The following ARHGAP15 variants were observed in gnomAD, a reference collection of about 807,000 sequenced individuals.
ARHGAP15 encodes the protein rho GTPase-activating protein 15.
In ARHGAP15, 51 loss-of-function variants were observed where a neutral mutation model predicts 63.7. The observed-to-expected ratio is 0.80, with a 90% CI of 0.64 to 1.01. The LOEUF is 1.01. ARHGAP15 is among the 50% of genes least tolerant of loss of function. The pLI, the probability that ARHGAP15 is intolerant of heterozygous loss-of-function variation, is 0.00. For missense variants in ARHGAP15, 560 were observed against 564.6 expected (o/e 0.99, Z 0.08); for synonymous variants, 191 against 193.8 (o/e 0.99, Z 0.12).
intron 2 of ARHGAP15, among the ~76,000 whole-genome samples, chr2:143,201,480 C>T (rs1027450213): frequency 6.6e-6 from 1 of 151,846 alleles, no homozygotes; most frequent in African/African-American, 2.4e-5. Context: ...TTCACTAACC[C>T]GAGCATTTAT....
chr2:143,178,146 T>A (rs1164732246), intron 2 of ARHGAP15, among the ~76,000 whole-genome samples: 2 of 152,170 alleles, frequency 1.3e-5, no homozygotes, highest in East Asian at 3.8e-4. Flanking sequence ...ACAGAAGAGA[T>A]GCCAGCCTAC....
chr2:143,353,929 A>G (rs1574322362), intron 6 of ARHGAP15, among the ~76,000 whole-genome samples: 1 of 152,276 alleles, frequency 6.6e-6, no homozygotes, highest in East Asian at 1.9e-4. Context: ...AGTTGTCATG[A>G]TGGAGCAAGA....
intron 13 of ARHGAP15, among the ~76,000 whole-genome samples, chr2:143,744,555 C>A (rs568220561): frequency 6.6e-6 from 1 of 152,248 alleles, no homozygotes; most frequent in South Asian, 2.1e-4. Flanking sequence ...TATTAGTAAT[C>A]CCCCTAGATA....
At chr2:143,157,547 G>A (rs936745262) in intron 2 of ARHGAP15, among the ~76,000 whole-genome samples, 4 of 151,150 alleles carry the variant, frequency 2.6e-5, no homozygotes, top group African/African-American at 9.7e-5. Context: ...TGTATTCCTC[G>A]ATAAGGAACA....
intron 5 of ARHGAP15, chr2:143,236,729 G>A (rs949853850): frequency 7.9e-5 from 12 of 152,158 alleles, no homozygotes; most frequent in African/African-American, 1.9e-4. Flanking sequence ...GATATTTTAT[G>A]TACTAATAAG....
intron 12 of ARHGAP15, among the ~76,000 whole-genome samples, chr2:143,668,519 C>T (rs1236245173): frequency 6.6e-6 from 1 of 151,990 alleles, no homozygotes; most frequent in Non-Finnish European, 1.5e-5. Flanking sequence ...GCATTCCTTT[C>T]TAAAACCCAT....
chr2:143,312,481 GAAA>G (rs779785072), intron 6 of ARHGAP15, among the ~76,000 whole-genome samples: 172 of 149,734 alleles, frequency 1.1e-3, no homozygotes, highest in Non-Finnish European at 1.9e-3. Flanking sequence ...AAGATAAAAA[GAAA>G]AAAAAAGCAT....
At chr2:143,266,521 T>C (rs1032613550) in intron 6 of ARHGAP15, among the ~76,000 whole-genome samples, 2 of 152,188 alleles carry the variant, frequency 1.3e-5, no homozygotes, top group African/African-American at 4.8e-5. Context: ...TTACAAAAGA[T>C]ACAATTTGGA....
chr2:143,716,711 A>G (rs1684827600), intron 13 of ARHGAP15, among the ~76,000 whole-genome samples: 1 of 152,230 alleles, frequency 6.6e-6, no homozygotes, highest in Non-Finnish European at 1.5e-5. Context: ...CCACTAAACC[A>G]CACTCTGCTT....
chr2:143,464,228 C>T (rs1691096305), intron 8 of ARHGAP15, among the ~76,000 whole-genome samples: 1 of 151,944 alleles, frequency 6.6e-6, no homozygotes, highest in South Asian at 2.1e-4. Context: ...GGCTATTTTT[C>T]TATAAGAAAT....
intron 8 of ARHGAP15, among the ~76,000 whole-genome samples, chr2:143,462,630 C>T (rs1194153438): frequency 1.3e-5 from 2 of 152,170 alleles, no homozygotes; most frequent in Non-Finnish European, 2.9e-5. Context: ...AAATCAAAGC[C>T]ATGTGCATTG....
chr2:143,181,080 C>T (rs552221767), intron 2 of ARHGAP15, among the ~76,000 whole-genome samples: 2 of 152,314 alleles, frequency 1.3e-5, no homozygotes, highest in East Asian at 1.9e-4. Context: ...TGTCCTTGTA[C>T]ATCTCCATCA....
intron 12 of ARHGAP15, among the ~76,000 whole-genome samples, chr2:143,647,237 G>A (rs932257606): frequency 1.3e-5 from 2 of 151,688 alleles, no homozygotes; most frequent in African/African-American, 4.8e-5. Flanking sequence ...ATGTGTGTGA[G>A]ATTTATCATT....
intron 6 of ARHGAP15, among the ~76,000 whole-genome samples, chr2:143,397,316 A>ATG (rs71411383): frequency 0.19 from 28,311 of 147,152 alleles, 2,957 homozygotes; most frequent in East Asian, 0.45. Flanking sequence ...TGAGATATGT[A>ATG]TGTGTGTGTG....
At chr2:143,246,296 A>C (rs1694041406) in intron 5 of ARHGAP15, among the ~76,000 whole-genome samples, 1 of 152,016 alleles carries the variant, frequency 6.6e-6, no homozygotes, top group Admixed American at 6.6e-5. Flanking sequence ...TTCAGAGTGC[A>C]ATAGAGGAAG....
intron 12 of ARHGAP15, among the ~76,000 whole-genome samples, chr2:143,656,934 GGTGTGTGTGTGTGTGTGTGT>G (rs5834961): frequency 6.2e-5 from 9 of 145,030 alleles, no homozygotes; most frequent in African/African-American, 1.8e-4. Context: ...CAAAGTTTCT[GGTGTGTGTGTGTGTGTGTGT>G]GTGTGTGTGT....
intron 12 of ARHGAP15, among the ~76,000 whole-genome samples, chr2:143,663,691 T>C (rs1325385921): frequency 2.2e-4 from 33 of 151,874 alleles, no homozygotes; most frequent in African/African-American, 6.0e-4. Flanking sequence ...CAGAGACACA[T>C]ATAGGCTCAA....
chr2:143,441,479 C>T (rs12466041), intron 8 of ARHGAP15, among the ~76,000 whole-genome samples: 7,377 of 152,256 alleles, frequency 0.048, 256 homozygotes, highest in East Asian at 0.13. Context: ...TTCCTTTACA[C>T]AAAGTTCTAG....
chr2:143,682,152 A>T (rs750643321), intron 12 of ARHGAP15, among the ~76,000 whole-genome samples: 1 of 152,214 alleles, frequency 6.6e-6, no homozygotes, highest in Non-Finnish European at 1.5e-5. Flanking sequence ...GATACATTTT[A>T]ACAATCTATA....
Sources: gnomAD v4.1 joint callset for allele counts (sites outside exome capture counted in the v4.1 genomes callset) on GRCh38, gnomAD v4.1.1 for gene constraint, MANE v1.5 for transcripts, NCBI Gene and HGNC (gene_info 2026-07-23, HGNC 2026-07-21) for gene names.